ANKFN1: variants seen among roughly 807,000 people sequenced by gnomAD.
The protein encoded by ANKFN1 is ankyrin repeat and fibronectin type III domain containing 1, also known as ankyrin repeat and fibronectin type-III domain-containing protein 1.
In ANKFN1, 74 loss-of-function variants were observed where a neutral mutation model predicts 108.7. That is an observed-to-expected ratio of 0.68 (90% CI 0.56 to 0.83). The LOEUF (loss-of-function observed/expected upper bound fraction) is 0.83, where lower values mean the gene tolerates loss of function less well. Ranked by LOEUF, ANKFN1 falls within the 40% of genes least tolerant of loss-of-function variation. The pLI, the probability that ANKFN1 is intolerant of heterozygous loss-of-function variation, is 0.00. For missense variants in ANKFN1, 1,505 were observed against 1,382.3 expected (o/e 1.09, Z -1.41); for synonymous variants, 547 against 516.2 (o/e 1.06, Z -0.81).
intron 4 of ANKFN1, among the ~76,000 whole-genome samples, chr17:56,135,678 T>G (rs1352870006): frequency 6.6e-6 from 1 of 152,208 alleles, no homozygotes; most frequent in African/African-American, 2.4e-5. Context: ...ATGTACAGAT[T>G]AGAGCTTTCT....
At position 56,134,332 on chromosome 17, in the gene ANKFN1, G is replaced by A. The variant is rs538900692; in HGVS notation, c.288+88007G>A. On this transcript the variant is annotated intron_variant, in intron 4 of 12. Transcript: ENST00000635860. ...CCACAGTTTAGGGATATTTATGGAG[G>A]CATCATCATGTAGGCATGATTTATT... is the stretch of plus-strand genomic sequence containing the variant. Among the ~76,000 whole-genome samples the A allele has an allele frequency of 8.5e-4, 130 of 152,144 alleles. No individual in the cohort carries two copies. The South Asian group carries it at 0.019, about 22-fold the overall frequency.
Position 56,440,414 on chromosome 17 carries a change from G to A in ANKFN1, c.998G>A (p.Gly333Glu), listed in dbSNP as rs1309851818. ...CAGACTCTGAGATGCACAATCACAGGACTTACAATGGTAAATGTCCCCAGT... is the reference window on the plus strand; with the variant it reads ...CAGACTCTGAGATGCACAATCACAGAACTTACAATGGTAAATGTCCCCAGT... ...NLQTLRCTITGLTMGQQYFVQ... is the reference protein window; with the variant it reads ...NLQTLRCTITELTMGQQYFVQ... Residue 333 changes from glycine (G) to glutamate (E), a missense_variant, in exon 9 of 21, where the codon GGA becomes GAA. Physicochemically the swap from Gly to Glu is moderately conservative, Grantham distance 98 (BLOSUM62 -2). Transcript: ENST00000682825. 1.9e-6 allele frequency: 3 copies of A among 1,609,722 alleles called. No homozygotes were observed. In the South Asian group the frequency reaches 3.3e-5, roughly 18 times the overall value.
At chr17:56,096,289 T>C (rs566207934) in intron 4 of ANKFN1, among the ~76,000 whole-genome samples, 7 of 152,328 alleles carry the variant, frequency 4.6e-5, no homozygotes, top group African/African-American at 1.4e-4. Flanking sequence ...TGGTACCTTA[T>C]TGTCCTGTGC....
chr17:56,419,424 A>C (rs2048333951), intron 8 of ANKFN1, among the ~76,000 whole-genome samples: 1 of 151,634 alleles, frequency 6.6e-6, no homozygotes, highest in Non-Finnish European at 1.5e-5. Context: ...TGGAGGCTGC[A>C]GTGAGCCGAG....
Position 56,085,180 on chromosome 17 carries a change from CATATATATAT to C in ANKFN1, c.288+38874_288+38883del, listed in dbSNP as rs10572105. On this transcript the variant is annotated intron_variant, in intron 4 of 12. Transcript: ENST00000635860. ...TCTGGTTAAATGTTGCCCTCCAAAG[CATATATATAT>C]ATATATATATATATATATCTCCACA... 1.1e-3 allele frequency among the ~76,000 whole-genome samples: 152 copies of C among 137,744 alleles called. 3 individuals are homozygous for C. Among genetic ancestry groups the C allele is most frequent in the African/African-American group, 3.8e-3 (136 of 35,680 alleles). 90.4% of individuals were successfully genotyped at this position (137,744 alleles called of 152,430 possible). A position where few individuals can be genotyped will look rare whatever the true frequency, so the allele number is the denominator to read the frequency against.
chr17:56,419,772 A>G (rs866469798), intron 8 of ANKFN1, among the ~76,000 whole-genome samples: 2 of 149,020 alleles, frequency 1.3e-5, no homozygotes, highest in African/African-American at 2.5e-5. Flanking sequence ...ACAATGAGCT[A>G]TGTGCTCCAG....
At chr17:56,268,235 C>T (rs2043704306) in intron 3 of ANKFN1, among the ~76,000 whole-genome samples, 1 of 152,200 alleles carries the variant, frequency 6.6e-6, no homozygotes, top group African/African-American at 2.4e-5. Flanking sequence ...CAACCACTCT[C>T]TTGGACCGCA....
At chr17:56,264,839 G>A (rs1185946624) in intron 3 of ANKFN1, among the ~76,000 whole-genome samples, 1 of 152,040 alleles carries the variant, frequency 6.6e-6, no homozygotes, top group African/African-American at 2.4e-5. Context: ...TCTTATTTGG[G>A]ACCCAGGAAA....
intron 1 of ANKFN1, among the ~76,000 whole-genome samples, chr17:56,160,688 A>C (rs1909575387): frequency 6.6e-6 from 1 of 152,228 alleles, no homozygotes; most frequent in Non-Finnish European, 1.5e-5. Context: ...CCATTAAATT[A>C]GTCTAGGAGC....
At chr17:56,095,821 C>A (rs1905523082) in intron 4 of ANKFN1, among the ~76,000 whole-genome samples, 1 of 152,186 alleles carries the variant, frequency 6.6e-6, no homozygotes, top group Non-Finnish European at 1.5e-5. Context: ...AATGCAGGAT[C>A]TGTGCAATGT....
intron 4 of ANKFN1, among the ~76,000 whole-genome samples, chr17:56,140,932 G>T (rs1209852017): frequency 6.6e-6 from 1 of 152,142 alleles, no homozygotes; most frequent in Non-Finnish European, 1.5e-5. Context: ...AAAGCTCATT[G>T]AAAGTAAAGG....
intron 4 of ANKFN1, among the ~76,000 whole-genome samples, chr17:56,333,867 T>C (rs929475080): frequency 2.0e-5 from 3 of 152,116 alleles, no homozygotes; most frequent in African/African-American, 7.2e-5. Context: ...GGTGGTCTCC[T>C]AGCTAATATC....
chr17:56,091,082 C>T (rs188687256), intron 4 of ANKFN1, among the ~76,000 whole-genome samples: 1 of 151,084 alleles, frequency 6.6e-6, no homozygotes, highest in South Asian at 2.1e-4. Flanking sequence ...CTCCCAGAAG[C>T]TGGTCCAAAG....
chr17:56,374,683 C>A lies in ANKFN1; in HGVS notation c.879C>A (p.Ser293Arg). 1.2e-6 allele frequency: 2 copies of A among 1,613,738 alleles called. No individual in the cohort carries two copies. ...SLTVSFQEPL[S>R]VNAAVVTRYK... ...CTGTCAGCTTCCAAGAGCCTCTTAG[C>A]GTCAATGCAGCTGTAGTAACCAGGT... The change falls in exon 8 of 21, where the codon AGC (serine) becomes AGA (arginine). Residue 293 changes from serine (S) to arginine (R), a missense_variant. Coordinates refer to ENST00000682825, the MANE Select transcript of ANKFN1 (RefSeq NM_001370326.1).
chr17:56,445,676 G>A (rs928766531), intron 10 of ANKFN1, among the ~76,000 whole-genome samples: 12 of 152,042 alleles, frequency 7.9e-5, no homozygotes, highest in Admixed American at 7.2e-4. Flanking sequence ...AACATGACAG[G>A]GTAATTGGAA....
chr17:56,110,079 T>G (rs1362269854), intron 4 of ANKFN1, among the ~76,000 whole-genome samples: 1 of 152,216 alleles, frequency 6.6e-6, no homozygotes, highest in African/African-American at 2.4e-5. Context: ...CCAATATTGT[T>G]GGCCAGTTGA....
chr17:56,482,650 C>A (rs144174651), intron 18 of ANKFN1, 126 bp downstream of exon 18: 6 of 1,192,680 alleles, frequency 5.0e-6, no homozygotes, highest in Non-Finnish European at 7.1e-6. Flanking sequence ...TGGCAACAAC[C>A]CTTCCTAGAA....
intron 3 of ANKFN1, among the ~76,000 whole-genome samples, chr17:56,280,127 G>A (rs1023404824): frequency 4.6e-5 from 7 of 150,768 alleles, no homozygotes; most frequent in Admixed American, 1.3e-4. Flanking sequence ...TCCCTGCCTC[G>A]GCCTCCCGAG....
chr17:56,333,874 T>C (rs1412612308), intron 4 of ANKFN1, among the ~76,000 whole-genome samples: 1 of 152,098 alleles, frequency 6.6e-6, no homozygotes, highest in African/African-American at 2.4e-5. Context: ...TCCTAGCTAA[T>C]ATCTCCTAAA....
Sources: allele counts gnomAD v4.1 joint callset (sites outside exome capture counted in the v4.1 genomes callset), GRCh38; gene constraint gnomAD v4.1.1; transcripts MANE v1.5; gene names NCBI Gene and HGNC (gene_info 2026-07-23, HGNC 2026-07-21).